Variants in MATR3 observed in about 807,000 individuals in gnomAD.
MATR3 encodes the protein matrin-3.
Under a neutral mutation model 85.5 loss-of-function variants are expected in MATR3, and 4 were observed. The observed-to-expected ratio is 0.05, with a 90% confidence interval of 0.02 to 0.11. MATR3 has a LOEUF of 0.11. Among genes scored for constraint, MATR3 ranks in the 10% least tolerant of loss-of-function variants. The pLI is 1.00. For missense variants in MATR3, 685 were observed against 1,016.1 expected, an observed-to-expected ratio of 0.67 and a Z score of 4.43; for synonymous variants, 336 against 343.1, an observed-to-expected ratio of 0.98 and a Z score of 0.23.
intron 2 of MATR3, chr5:139,310,555 T>A (rs920087242): frequency 1.4e-4 from 21 of 152,066 alleles, no homozygotes; most frequent in Non-Finnish European, 2.6e-4. Context: ...TAATGAAAAA[T>A]TTTTAAACAT....
intron 3 of MATR3, among the ~76,000 whole-genome samples, chr5:139,284,246 C>T (rs569228771): frequency 6.6e-6 from 1 of 152,146 alleles, no homozygotes; most frequent in East Asian, 1.9e-4. Flanking sequence ...GTCAGGTTAC[C>T]AAATCATTTG....
intron 2 of MATR3, chr5:139,313,959 C>T (rs565488286): frequency 1.3e-5 from 2 of 152,328 alleles, no homozygotes; most frequent in African/African-American, 2.4e-5. Flanking sequence ...CTTTGTCATC[C>T]AGGCTGGAGT....
At position 139,308,267 on chromosome 5, in the gene MATR3, C is replaced by G. The variant is rs1319747008; in HGVS notation, c.852C>G (p.Leu284=). The G allele has an allele frequency of 6.2e-7, 1 of 1,614,100 alleles. No individual in the cohort carries two copies. The highest frequency in any genetic ancestry group is 1.6e-4 in the Middle Eastern group (1 of 6,062). ...PSSNIEDFHG[L]LPKGYPHLCS... ...GCAATATTGAAGACTTCCATGGACTCTTACCGAAGGGTTATCCCCATCTGT... is the reference window on the plus strand; with the variant it reads ...GCAATATTGAAGACTTCCATGGACTGTTACCGAAGGGTTATCCCCATCTGT... Residue 284 remains leucine (L), a synonymous_variant, in exon 2 of 15, where the codon CTC becomes CTG. Transcript: ENST00000394805.
At chr5:139,328,228 T>C (rs1473187382) in intron 14 of MATR3, among the ~76,000 whole-genome samples, 2 of 152,242 alleles carry the variant, frequency 1.3e-5, no homozygotes, top group African/African-American at 4.8e-5. Flanking sequence ...TGTTAAGCAT[T>C]ACAGTAACTT....
chr5:139,289,462 A>T (rs1753806129), upstream of MATR3, among the ~76,000 whole-genome samples: 1 of 152,248 alleles, frequency 6.6e-6, no homozygotes, highest in South Asian at 2.1e-4. Flanking sequence ...ATGATAAAAA[A>T]TACATAAATA....
intron 9 of MATR3, among the ~76,000 whole-genome samples, chr5:139,319,860 C>CTTTTTTT (rs58123057): frequency 8.6e-4 from 38 of 44,164 alleles, no homozygotes; most frequent in African/African-American, 2.6e-3. Flanking sequence ...AAAAAATTTG[C>CTTTTTTT]TTTTTTTTTT....
intron 13 of MATR3, 121 bp downstream of exon 13, chr5:139,325,783 GT>G (rs1378127806): frequency 9.7e-6 from 8 of 828,432 alleles, no homozygotes; most frequent in Non-Finnish European, 1.6e-5. Context: ...AATTTGCTTT[GT>G]TTCTATGGGG....
In MATR3 at chr5:139,317,537, T is replaced by C; in HGVS notation, c.1183-59T>C. ...GATTATAAAAAGTCCTAATGCGTAA[T>C]TGGTTTCATATTGCTTTAAAGAGAC... On this transcript the variant is annotated intron_variant, in intron 6 of 14. Transcript: ENST00000394805. The C allele has an allele frequency of 3.9e-6, 6 of 1,542,776 alleles. No homozygotes were observed. The South Asian group carries it at 6.7e-5, about 17-fold the overall frequency.
intron 2 of MATR3, among the ~76,000 whole-genome samples, chr5:139,276,746 T>C (rs1246477197): frequency 6.6e-6 from 1 of 152,144 alleles, no homozygotes; most frequent in Non-Finnish European, 1.5e-5. Flanking sequence ...CCAGATACAA[T>C]GGGATTTTTG....
rs746341550 is a variant in MATR3, at chr5:139,330,497, A to G, written c.*1102A>G. ...CTTAAACTTTGTGCATGCTTTAACAATTTATTACTTTTAAATCTAGAGTGA... is the reference window on the plus strand; with the variant it reads ...CTTAAACTTTGTGCATGCTTTAACAGTTTATTACTTTTAAATCTAGAGTGA... On this transcript the variant is annotated 3_prime_UTR_variant, in exon 15 of 15. Transcript: ENST00000394805. The G allele has an allele frequency of 4.4e-5, 20 of 454,076 alleles. No homozygotes were observed. The highest frequency in any genetic ancestry group is 2.9e-4 in the South Asian group (19 of 64,484). The allele number at this position is 454,076 out of a possible 1,614,324, so 28.1% of individuals were successfully genotyped here.
intron 1 of MATR3, among the ~76,000 whole-genome samples, chr5:139,305,599 G>T (rs887941280): frequency 6.6e-6 from 1 of 152,172 alleles, no homozygotes; most frequent in Non-Finnish European, 1.5e-5. Context: ...CCGCCATTCT[G>T]TCTGGCATTT....
chr5:139,319,679 C>A (rs1755439524), intron 9 of MATR3, among the ~76,000 whole-genome samples, 178 bp downstream of exon 9: 1 of 151,640 alleles, frequency 6.6e-6, no homozygotes, highest in African/African-American at 2.4e-5. Context: ...GAAATCGTAT[C>A]TCTATTAAAA....
rs1228771436 is a variant in MATR3, at chr5:139,331,385, T to A, written c.*1990T>A. On this transcript the variant is annotated 3_prime_UTR_variant, in exon 15 of 15. Coordinates refer to ENST00000394805, the MANE Select transcript of MATR3 (RefSeq NM_018834.6). The stretch of plus-strand genomic sequence containing the variant: ...CAATGGAGTTCTTCAGTGTTTCCTT[T>A]CAGTGATGGCTTTTTCATAGCTTCA... 3 of 454,002 alleles carry A rather than the reference T, an allele frequency of 6.6e-6. No individual in the cohort carries two copies. Among genetic ancestry groups the A allele is most frequent in the Admixed American group, 2.4e-5 (1 of 42,548 alleles). The allele number at this position is 454,002 out of a possible 1,614,324, so 28.1% of individuals were successfully genotyped here.
At chr5:139,281,909 A>G (rs1394894058) in intron 3 of MATR3, among the ~76,000 whole-genome samples, 3 of 152,238 alleles carry the variant, frequency 2.0e-5, no homozygotes, top group African/African-American at 7.2e-5. Flanking sequence ...ACCACAATTA[A>G]TAAACACTAT....
Position 139,323,074 on chromosome 5 carries a change from AAATAAATCAGAT to A in MATR3, c.2148+109_2148+120del. On this transcript the variant is annotated intron_variant, in intron 12 of 14. Coordinates refer to ENST00000394805, the MANE Select transcript of MATR3 (RefSeq NM_018834.6). ...ATAGAATTATATGATTTAAATCAGA[AAATAAATCAGAT>A]ATGAACCAGAATATAAACATTTAAA... 7.0e-6 allele frequency: 8 copies of A among 1,135,952 alleles called. No individual in the cohort carries two copies. In the Middle Eastern group the frequency reaches 9.7e-4, roughly 138 times the overall value. The allele number at this position is 1,135,952 out of a possible 1,614,324, so 70.4% of individuals were successfully genotyped here.
chr5:139,291,758 C>G (rs575145136), upstream of MATR3, among the ~76,000 whole-genome samples: 1 of 152,076 alleles, frequency 6.6e-6, no homozygotes, highest in Middle Eastern at 3.4e-3. Context: ...AGGCTAGTCT[C>G]GAACTCCCGA....
At chr5:139,288,863 C>T (rs563102781), upstream of MATR3, among the ~76,000 whole-genome samples, 2 of 152,150 alleles carry the variant, frequency 1.3e-5, no homozygotes, top group East Asian at 1.9e-4. Flanking sequence ...AGGATGGTCT[C>T]GATCTGACCT....
Position 139,322,772 on chromosome 5 carries a change from T to C in MATR3, c.1953T>C (p.Leu651=), listed in dbSNP as rs770765421. Reference sequence around the variant, plus strand: ...AGACAGAGCAGGAACCTAATATGCTTCTTGAATCTGAAGATGAGCTACTTG... The same window carrying C: ...AGACAGAGCAGGAACCTAATATGCTCCTTGAATCTGAAGATGAGCTACTTG... ...DDQTEQEPNM[L]LESEDELLVD... Residue 651 remains leucine, a synonymous_variant, in exon 12 of 15, where the codon CTT becomes CTC. Coordinates refer to ENST00000394805, the MANE Select transcript of MATR3 (RefSeq NM_018834.6). 15 of 1,614,166 alleles carry C rather than the reference T, an allele frequency of 9.3e-6. No individual in the cohort carries two copies. The highest frequency in any genetic ancestry group is 1.2e-5 in the Non-Finnish European group (14 of 1,180,034).
At chr5:139,315,914 ATTC>A (rs933455422) in intron 4 of MATR3, 159 bp from the exon 5 acceptor site, 4 of 752,046 alleles carry the variant, frequency 5.3e-6, no homozygotes, top group Non-Finnish European at 6.9e-6. Context: ...AGTAATTTGT[ATTC>A]TTTTATTGTT....
Sources: allele counts gnomAD v4.1 joint callset (sites outside exome capture counted in the v4.1 genomes callset), GRCh38; gene constraint gnomAD v4.1.1; transcripts MANE v1.5; gene names NCBI Gene and HGNC (gene_info 2026-07-23, HGNC 2026-07-21).